The following CCDC39 variants were observed in gnomAD, a reference collection of about 807,000 sequenced individuals.
CCDC39 encodes the protein coiled-coil domain 39 molecular ruler complex subunit.
Under a neutral mutation model 121.0 loss-of-function variants are expected in CCDC39, and 113 were observed. The ratio of observed to expected loss-of-function variants is 0.93; its 90% CI spans 0.80 to 1.09. The LOEUF is 1.09. CCDC39 is among the 50% of genes least tolerant of loss of function. The pLI, the probability that CCDC39 is intolerant of heterozygous loss-of-function variation, is 0.00. For synonymous variants in CCDC39, 349 were observed against 352.2 expected (o/e 0.99, Z 0.10); for missense variants, 1,063 against 1,074.7 (o/e 0.99, Z 0.15).
intron 12 of CCDC39, among the ~76,000 whole-genome samples, chr3:180,643,270 T>TA (rs1718001894): frequency 6.6e-6 from 1 of 151,978 alleles, no homozygotes; most frequent in Non-Finnish European, 1.5e-5. Context: ...ACAGAGACAA[T>TA]ATTTTTACAT....
chr3:180,671,778 C>G (rs565531922), intron 1 of CCDC39, among the ~76,000 whole-genome samples: 164 of 152,246 alleles, frequency 1.1e-3, no homozygotes, highest in Non-Finnish European at 1.9e-3. Flanking sequence ...TCTATGAAGG[C>G]TGAGAAGGGT....
intron 14 of CCDC39, among the ~76,000 whole-genome samples, chr3:180,627,978 G>A (rs1258932550): frequency 6.6e-6 from 1 of 152,152 alleles, no homozygotes; most frequent in East Asian, 1.9e-4. Flanking sequence ...TATTAAAATG[G>A]GAAATTTGGA....
At chr3:180,626,765 T>A (rs1717573277) in intron 14 of CCDC39, among the ~76,000 whole-genome samples, 1 of 152,178 alleles carries the variant, frequency 6.6e-6, no homozygotes, top group Admixed American at 6.5e-5. Flanking sequence ...TTCTCACACC[T>A]CCGTCTCACA....
At chr3:180,648,492 TC>T (rs1286346266) in intron 9 of CCDC39, 133 bp from the exon 10 acceptor site, 3 of 572,004 alleles carry the variant, frequency 5.2e-6, no homozygotes, top group Non-Finnish European at 8.5e-6. Context: ...ATAAAGCTCT[TC>T]CCACAATTTT....
chr3:180,657,765 A>T (rs1711616896), intron 6 of CCDC39, among the ~76,000 whole-genome samples: 1 of 152,148 alleles, frequency 6.6e-6, no homozygotes, highest in Admixed American at 6.6e-5. Flanking sequence ...CTCTTTAAAA[A>T]TCAACTTGTA....
At chr3:180,639,693 G>C (rs1244367091) in intron 13 of CCDC39, among the ~76,000 whole-genome samples, 1 of 151,862 alleles carries the variant, frequency 6.6e-6, no homozygotes, top group Non-Finnish European at 1.5e-5. Context: ...ACACTGCTTG[G>C]GTTCAGATAC....
chr3:180,648,051 G>A (rs1718114578), intron 10 of CCDC39, 114 bp downstream of exon 10: 2 of 800,570 alleles, frequency 2.5e-6, no homozygotes, highest in Non-Finnish European at 2.0e-6. Flanking sequence ...TTCAGCATCT[G>A]TCTGTCCTCC....
intron 17 of CCDC39, 37 bp from the exon 18 acceptor site, chr3:180,616,732 G>T: frequency 1.3e-6 from 2 of 1,572,186 alleles, no homozygotes; most frequent in Non-Finnish European, 1.7e-6. Flanking sequence ...CTATAAACGT[G>T]TTTACCAGAA....
chr3:180,646,368 A>C (rs969801752), intron 11 of CCDC39, among the ~76,000 whole-genome samples: 4 of 152,142 alleles, frequency 2.6e-5, no homozygotes, highest in African/African-American at 9.7e-5. Context: ...GGACACATCA[A>C]TAGTCTTTCC....
intron 1 of CCDC39, among the ~76,000 whole-genome samples, chr3:180,664,414 C>T (rs1224102928): frequency 2.6e-5 from 4 of 152,160 alleles, no homozygotes; most frequent in African/African-American, 7.2e-5. Flanking sequence ...GGATTGAGAC[C>T]ACCATATGAA....
intron 14 of CCDC39, among the ~76,000 whole-genome samples, chr3:180,626,388 G>A (rs367780842): frequency 1.7e-4 from 26 of 152,226 alleles, no homozygotes; most frequent in Middle Eastern, 3.4e-3. Context: ...CAAAGGTGGG[G>A]TGGTTCCCAG....
chr3:180,677,543 T>C (rs1712270545), intron 1 of CCDC39, among the ~76,000 whole-genome samples: 2 of 151,998 alleles, frequency 1.3e-5, no homozygotes, highest in Non-Finnish European at 2.9e-5. Context: ...ATTTGAAATA[T>C]AGAGTTCTTA....
At chr3:180,657,935 GAAGTT>G (rs1197990043) in intron 6 of CCDC39, among the ~76,000 whole-genome samples, 1 of 152,134 alleles carries the variant, frequency 6.6e-6, no homozygotes. Context: ...AAAGCAATGA[GAAGTT>G]AAGAAATATT....
chr3:180,631,976 A>G (rs917258467), intron 13 of CCDC39, among the ~76,000 whole-genome samples: 1 of 152,190 alleles, frequency 6.6e-6, no homozygotes, highest in Non-Finnish European at 1.5e-5. Context: ...AGCAAGAAGC[A>G]TAAGATTCCT....
intron 15 of CCDC39, 132 bp from the exon 16 acceptor site, chr3:180,619,497 A>G: frequency 6.3e-6 from 4 of 634,222 alleles, no homozygotes; most frequent in Non-Finnish European, 1.1e-5. Context: ...GTAGAAAAAC[A>G]CTATGGGCAT....
At chr3:180,632,903 G>A (rs1258490309) in intron 13 of CCDC39, among the ~76,000 whole-genome samples, 1 of 152,196 alleles carries the variant, frequency 6.6e-6, no homozygotes, top group African/African-American at 2.4e-5. Flanking sequence ...GAAATGTCAG[G>A]AATGCTTTCT....
At chr3:180,630,881 CATACCAGG>C (rs1717675674) in intron 14 of CCDC39, among the ~76,000 whole-genome samples, 1 of 152,130 alleles carries the variant, frequency 6.6e-6, no homozygotes, top group Non-Finnish European at 1.5e-5. Flanking sequence ...GAACAGCTGC[CATACCAGG>C]ACTCTAATGG....
At chr3:180,632,802 CAA>C (rs1717731494) in intron 13 of CCDC39, among the ~76,000 whole-genome samples, 1 of 152,122 alleles carries the variant, frequency 6.6e-6, no homozygotes, top group East Asian at 1.9e-4. Context: ...GAAAAAAATC[CAA>C]ACTCAGAAAC....
At chr3:180,637,825 G>A (rs1335378241) in intron 13 of CCDC39, among the ~76,000 whole-genome samples, 1 of 152,116 alleles carries the variant, frequency 6.6e-6, no homozygotes, top group Non-Finnish European at 1.5e-5. Context: ...AACTAATGCA[G>A]GAACAGAAAA....
Sources: allele counts gnomAD v4.1 joint callset (sites outside exome capture counted in the v4.1 genomes callset), GRCh38; gene constraint gnomAD v4.1.1; transcripts MANE v1.5; gene names NCBI Gene and HGNC (gene_info 2026-07-23, HGNC 2026-07-21).